Variants in ST6GALNAC3 observed in about 807,000 individuals in gnomAD.
The protein encoded by ST6GALNAC3 is alpha-N-acetylgalactosaminide alpha-2,6-sialyltransferase 3.
A neutral mutation model predicts 32.7 loss-of-function variants in ST6GALNAC3; 25 were observed. That is an observed-to-expected ratio of 0.76 (90% CI 0.56 to 1.07). The LOEUF is 1.07. Ranked by LOEUF, ST6GALNAC3 falls within the 50% of genes least tolerant of loss-of-function variation. ST6GALNAC3 has a pLI of 0.00. For missense variants in ST6GALNAC3, 355 were observed against 382.4 expected (o/e 0.93, Z 0.60); for synonymous variants, 129 against 133.1 (o/e 0.97, Z 0.21).
At chr1:76,122,014 C>T (rs1473643837) in intron 1 of ST6GALNAC3, among the ~76,000 whole-genome samples, 1 of 152,148 alleles carries the variant, frequency 6.6e-6, no homozygotes, top group Non-Finnish European at 1.5e-5. Context: ...AAATTTAGCT[C>T]TGCAGGGCTG....
intron 3 of ST6GALNAC3, among the ~76,000 whole-genome samples, chr1:76,548,793 C>T (rs1664447727): frequency 6.6e-6 from 1 of 152,152 alleles, no homozygotes; most frequent in South Asian, 2.1e-4. Context: ...CCCATTTACC[C>T]TCAGTCATGG....
At chr1:76,180,390 GTTA>G (rs1185569151) in intron 1 of ST6GALNAC3, among the ~76,000 whole-genome samples, 7 of 152,118 alleles carry the variant, frequency 4.6e-5, no homozygotes, top group Admixed American at 4.6e-4. Flanking sequence ...CTAAAAATAT[GTTA>G]TTATTATTGC....
At chr1:76,098,685 C>G (rs1647173388) in intron 1 of ST6GALNAC3, among the ~76,000 whole-genome samples, 1 of 151,814 alleles carries the variant, frequency 6.6e-6, no homozygotes. Flanking sequence ...ATATATTTTC[C>G]AATCATATGT....
rs58114434 is a variant in ST6GALNAC3, at chr1:76,390,946, A to ATT, written c.214-21052_214-21051dup. ...TTAAAATGCTTATATATATATATGT[A>ATT]TTTTTTTTTTTGAGATGGAGTCTCG... On this transcript the variant is annotated intron_variant, in intron 2 of 4. Coordinates refer to ENST00000328299, the MANE Select transcript of ST6GALNAC3 (RefSeq NM_152996.4). Among the ~76,000 whole-genome samples the ATT allele has an allele frequency of 9.1e-5, 11 of 120,980 alleles. 3 individuals carry two copies. Among genetic ancestry groups the ATT allele is most frequent in the Non-Finnish European group, 1.5e-4 (8 of 52,780 alleles). 79.4% of individuals were successfully genotyped at this position (120,980 alleles called of 152,430 possible). A position where few individuals can be genotyped will look rare whatever the true frequency, so the allele number is the denominator to read the frequency against.
At chr1:76,169,678 G>A (rs11584719) in intron 1 of ST6GALNAC3, among the ~76,000 whole-genome samples, 28,572 of 151,898 alleles carry the variant, frequency 0.19, 2,846 homozygotes, top group Non-Finnish European at 0.2. Context: ...CTCTATTCTT[G>A]TCTAACTGTC....
chr1:76,535,408 A>G (rs1663533672), intron 3 of ST6GALNAC3, among the ~76,000 whole-genome samples: 1 of 152,148 alleles, frequency 6.6e-6, no homozygotes, highest in South Asian at 2.1e-4. Flanking sequence ...TAATCACAAG[A>G]CACATTCTGA....
At chr1:76,354,572 G>A (rs1249284402) in intron 2 of ST6GALNAC3, among the ~76,000 whole-genome samples, 2 of 152,192 alleles carry the variant, frequency 1.3e-5, no homozygotes, top group East Asian at 1.9e-4. Context: ...AGTTTTTGTT[G>A]ACTGATGGGT....
chr1:76,234,083 G>T (rs1195718095), intron 1 of ST6GALNAC3, among the ~76,000 whole-genome samples: 1 of 152,186 alleles, frequency 6.6e-6, no homozygotes, highest in Non-Finnish European at 1.5e-5. Flanking sequence ...ATTATTAGGT[G>T]TGAGAGCTCT....
chr1:76,523,955 G>GA (rs368984904), intron 3 of ST6GALNAC3, among the ~76,000 whole-genome samples: 220 of 152,088 alleles, frequency 1.4e-3, no homozygotes, highest in Middle Eastern at 0.01. Flanking sequence ...CAATCTTCCA[G>GA]AAAAAAATGC....
intron 1 of ST6GALNAC3, among the ~76,000 whole-genome samples, chr1:76,224,812 G>C (rs1373653228): frequency 1.3e-5 from 2 of 152,162 alleles, no homozygotes; most frequent in African/African-American, 4.8e-5. Flanking sequence ...CTCACCAAGT[G>C]ACTTTGGCAG....
At chr1:76,139,434 A>G (rs935529974) in intron 1 of ST6GALNAC3, among the ~76,000 whole-genome samples, 1 of 152,174 alleles carries the variant, frequency 6.6e-6, no homozygotes, top group Non-Finnish European at 1.5e-5. Context: ...ACAGTTGTAC[A>G]TGGACTGTTT....
intron 1 of ST6GALNAC3, among the ~76,000 whole-genome samples, chr1:76,090,410 C>T (rs2100746838): frequency 6.6e-6 from 1 of 152,338 alleles, no homozygotes; most frequent in African/African-American, 2.4e-5. Context: ...TAACTTCAGA[C>T]TAACTGGCCG....
At chr1:76,499,459 T>G (rs1025311043) in intron 3 of ST6GALNAC3, among the ~76,000 whole-genome samples, 4 of 152,094 alleles carry the variant, frequency 2.6e-5, no homozygotes, top group Non-Finnish European at 5.9e-5. Flanking sequence ...TAATCCCCTC[T>G]CTTAGCTTCC....
chr1:76,551,991 A>G (rs1467065214), intron 3 of ST6GALNAC3, among the ~76,000 whole-genome samples: 1 of 152,200 alleles, frequency 6.6e-6, no homozygotes, highest in Non-Finnish European at 1.5e-5. Context: ...AGCCAGGAGC[A>G]GCAGCTGCTG....
intron 3 of ST6GALNAC3, among the ~76,000 whole-genome samples, chr1:76,531,125 G>A (rs1342284675): frequency 6.6e-6 from 1 of 152,184 alleles, no homozygotes; most frequent in African/African-American, 2.4e-5. Flanking sequence ...CCAGCAAGGG[G>A]TGAGAAGCCA....
chr1:76,598,230 A>G (rs1218443689), intron 3 of ST6GALNAC3, among the ~76,000 whole-genome samples: 1 of 152,146 alleles, frequency 6.6e-6, no homozygotes, highest in African/African-American at 2.4e-5. Flanking sequence ...CCCAGCTCCA[A>G]ACACCATCAC....
intron 1 of ST6GALNAC3, among the ~76,000 whole-genome samples, chr1:76,172,701 C>T (rs1652600938): frequency 1.3e-5 from 2 of 152,068 alleles, no homozygotes; most frequent in African/African-American, 4.8e-5. Context: ...AATAGGCAAG[C>T]AGAGAGCCAA....
At chr1:76,313,553 T>C (rs1480070973) in intron 1 of ST6GALNAC3, 7 of 584,662 alleles carry the variant, frequency 1.2e-5, no homozygotes, top group African/African-American at 3.7e-5. Context: ...ACAAGGAATA[T>C]AGTGAGATAA....
intron 3 of ST6GALNAC3, among the ~76,000 whole-genome samples, chr1:76,567,835 T>C (rs1463563691): frequency 1.3e-5 from 2 of 152,202 alleles, no homozygotes; most frequent in African/African-American, 2.4e-5. Flanking sequence ...GGAGGACCTG[T>C]CTTCCTAAAT....
Sources: allele counts gnomAD v4.1 joint callset (sites outside exome capture counted in the v4.1 genomes callset), GRCh38; gene constraint gnomAD v4.1.1; transcripts MANE v1.5; gene names NCBI Gene and HGNC (gene_info 2026-07-23, HGNC 2026-07-21).